RNF24: variants seen among roughly 807,000 people sequenced by gnomAD.
RNF24 encodes ring finger protein 24.
In RNF24, 14 loss-of-function variants were observed where a neutral mutation model predicts 20.0. That is an observed-to-expected ratio of 0.70 (90% CI 0.46 to 1.10). The LOEUF is 1.10. Among genes scored for constraint, RNF24 ranks in the 50% least tolerant of loss-of-function variants. RNF24 has a pLI of 0.00. For missense variants in RNF24, 124 were observed against 177.6 expected, an observed-to-expected ratio of 0.70 and a Z score of 1.71; for synonymous variants, 45 against 61.1, an observed-to-expected ratio of 0.74 and a Z score of 1.23.
At position 3,954,627 on chromosome 20, in the gene RNF24, A is replaced by T. The variant is rs2146972117; in HGVS notation, c.144-6348T>A. On this transcript the variant is annotated intron_variant, in intron 2 of 5. Transcript: ENST00000358395. ...GGTTTAATATTTTGAAGAACTGGCC[A>T]GGTATGGTGGCTCATGCCTGTAATC... 1.3e-5 allele frequency among the ~76,000 whole-genome samples: 2 copies of T among 152,268 alleles called. 1 individual carries two copies. Among genetic ancestry groups the T allele is most frequent in the South Asian group, 4.1e-4 (2 of 4,828 alleles).
chr20:3,967,166 GTAT>G (rs1322535599), intron 1 of RNF24, among the ~76,000 whole-genome samples: 1 of 152,142 alleles, frequency 6.6e-6, no homozygotes, highest in Non-Finnish European at 1.5e-5. Context: ...TTCACCAGAA[GTAT>G]TAATCTTTTA....
At chr20:3,992,461 T>G (rs1980525207) in intron 1 of RNF24, among the ~76,000 whole-genome samples, 1 of 151,356 alleles carries the variant, frequency 6.6e-6, no homozygotes, top group Admixed American at 6.6e-5. Flanking sequence ...ATTACAAACT[T>G]GGATGTAAAA....
intron 1 of RNF24, among the ~76,000 whole-genome samples, chr20:3,987,998 C>T (rs1420473108): frequency 6.6e-6 from 1 of 151,900 alleles, no homozygotes; most frequent in African/African-American, 2.4e-5. Flanking sequence ...TCAGCAGCAG[C>T]AGCAGCTTAA....
At chr20:3,977,356 T>C (rs973960033) in intron 1 of RNF24, among the ~76,000 whole-genome samples, 17 of 152,080 alleles carry the variant, frequency 1.1e-4, no homozygotes, top group Admixed American at 1.0e-3. Context: ...TAAATACGTG[T>C]TTTAAAATGT....
At position 3,932,974 on chromosome 20, in the gene RNF24, G is replaced by C. The variant is rs1441271354; in HGVS notation, c.*1089C>G. ...GTGGACAGCCCTGCAGGAGCTTCCT[G>C]AAACTATCTACAATTCCAAGTGGAT... On this transcript the variant is annotated 3_prime_UTR_variant, in exon 6 of 6. Transcript: ENST00000358395. 2.5e-6 allele frequency: 1 copy of C among 395,494 alleles called. No homozygotes were observed. Among genetic ancestry groups the C allele is most frequent in the Non-Finnish European group, 4.5e-6 (1 of 224,680 alleles). The allele number at this position is 395,494 out of a possible 1,614,324, so 24.5% of individuals were successfully genotyped here.
intron 1 of RNF24, among the ~76,000 whole-genome samples, chr20:3,988,029 T>C (rs1462895869): frequency 6.6e-6 from 1 of 152,282 alleles, no homozygotes; most frequent in Admixed American, 6.5e-5. Context: ...AAAAATTTTT[T>C]TTGGTATTTC....
At chr20:4,014,263 G>GA (rs1272700554) in intron 1 of RNF24, among the ~76,000 whole-genome samples, 2 of 151,772 alleles carry the variant, frequency 1.3e-5, no homozygotes, top group East Asian at 1.9e-4. Context: ...GCATTAAGGG[G>GA]AAAAAAAAGC....
Position 3,959,460 on chromosome 20 carries a change from A to G in RNF24, c.143+4415T>C, listed in dbSNP as rs576436867. On this transcript the variant is annotated intron_variant, in intron 2 of 5. Coordinates refer to ENST00000358395, the MANE Select transcript of RNF24 (RefSeq NM_001134337.3). ...CCAAAATTTCCCTGTATTCTTCAAAATTTATTTTTGAGTATTATTAAAACA... is the reference window on the plus strand; with the variant it reads ...CCAAAATTTCCCTGTATTCTTCAAAGTTTATTTTTGAGTATTATTAAAACA... Among the ~76,000 whole-genome samples the G allele has an allele frequency of 5.3e-3, 671 of 126,016 alleles. 2 individuals carry two copies. Among genetic ancestry groups the G allele is most frequent in the African/African-American group, 0.017 (650 of 39,370 alleles). 82.7% of individuals were successfully genotyped at this position (126,016 alleles called of 152,430 possible).
chr20:3,993,787 A>G (rs1003915363), intron 1 of RNF24, among the ~76,000 whole-genome samples: 1 of 152,226 alleles, frequency 6.6e-6, no homozygotes, highest in Non-Finnish European at 1.5e-5. Context: ...AGAAAGGCCC[A>G]CACCATAATT....
chr20:3,963,193 T>C (rs1213731853), intron 2 of RNF24, among the ~76,000 whole-genome samples: 1 of 152,116 alleles, frequency 6.6e-6, no homozygotes. Flanking sequence ...CCTATGTTTC[T>C]TTATTATTTT....
At chr20:3,973,885 T>G (rs1190304980) in intron 1 of RNF24, among the ~76,000 whole-genome samples, 2 of 152,154 alleles carry the variant, frequency 1.3e-5, no homozygotes, top group Non-Finnish European at 2.9e-5. Flanking sequence ...TCTCAAGGCA[T>G]TTTTTGAAGC....
At chr20:3,985,035 C>CG (rs1164648217) in intron 1 of RNF24, among the ~76,000 whole-genome samples, 2 of 148,942 alleles carry the variant, frequency 1.3e-5, no homozygotes, top group African/African-American at 4.9e-5. Context: ...GGCAGTTGGG[C>CG]GGGGGAACAA....
intron 1 of RNF24, among the ~76,000 whole-genome samples, chr20:3,965,188 A>C (rs1487512116): frequency 6.6e-6 from 1 of 152,190 alleles, no homozygotes; most frequent in South Asian, 2.1e-4. Context: ...TGACAATGGA[A>C]TTATAACTAT....
intron 2 of RNF24, among the ~76,000 whole-genome samples, chr20:3,951,093 C>T (rs2091076001): frequency 6.6e-6 from 1 of 152,134 alleles, no homozygotes; most frequent in Non-Finnish European, 1.5e-5. Context: ...GTAGCTGGGA[C>T]TACAGGCACC....
At position 3,928,003 on chromosome 20, in the gene RNF24, TTTC is replaced by T. The variant is rs2090751191; in HGVS notation, c.*6057_*6059del. 1 of 152,198 alleles carries T rather than the reference TTTC, an allele frequency of 6.6e-6. No homozygotes were observed. The highest frequency in any genetic ancestry group is 1.5e-5 in the Non-Finnish European group (1 of 68,056). 9.4% of individuals were successfully genotyped at this position (152,198 alleles called of 1,614,324 possible). A position where few individuals can be genotyped will look rare whatever the true frequency, so the allele number is the denominator to read the frequency against. ...AAGGTTTACTACACAAGCCCCTCTT[TTTC>T]TTCTGATATCCCCACTCAAATGGAA... On this transcript the variant is annotated 3_prime_UTR_variant, in exon 6 of 6. Coordinates refer to ENST00000358395, the MANE Select transcript of RNF24 (RefSeq NM_001134337.3).
rs144771126 is a variant in RNF24, at chr20:3,982,390, A to T, written c.-7-18366T>A. Among the ~76,000 whole-genome samples the T allele has an allele frequency of 2.4e-4, 36 of 149,908 alleles. No individual in the cohort carries two copies. The East Asian group carries it at 6.1e-3, about 25-fold the overall frequency. ...CAGGAGTTCGAAAGCAGCCTGGCCAACATGGTGAAACCCTGTCTCTACTAA... is the reference window on the plus strand; with the variant it reads ...CAGGAGTTCGAAAGCAGCCTGGCCATCATGGTGAAACCCTGTCTCTACTAA... On this transcript the variant is annotated intron_variant, in intron 1 of 5. Coordinates refer to ENST00000358395, the MANE Select transcript of RNF24 (RefSeq NM_001134337.3).
At chr20:3,942,820 T>C (rs1262681951) in intron 4 of RNF24, among the ~76,000 whole-genome samples, 2 of 147,840 alleles carry the variant, frequency 1.4e-5, no homozygotes, top group African/African-American at 4.9e-5. Context: ...TGAAGACAGT[T>C]TTTTTTTTTT....
rs2146923766 is a variant in RNF24 at position 3,929,292 on chromosome 20, TAC to T, written c.*4769_*4770del. 6.6e-6 allele frequency: 1 copy of T among 152,332 alleles called. No individual in the cohort carries two copies. The highest frequency in any genetic ancestry group is 6.5e-5 in the Admixed American group (1 of 15,290). 9.4% of individuals were successfully genotyped at this position (152,332 alleles called of 1,614,324 possible). A position where few individuals can be genotyped will look rare whatever the true frequency, so the allele number is the denominator to read the frequency against. ...GCTGGTGTGCACCTGTAGACGCAGC[TAC>T]AGACTGAGGCGGGAGGATCACTTGA... is the stretch of plus-strand genomic sequence containing the variant. On this transcript the variant is annotated 3_prime_UTR_variant, in exon 6 of 6. Coordinates refer to ENST00000358395, the MANE Select transcript of RNF24 (RefSeq NM_001134337.3).
intron 1 of RNF24, among the ~76,000 whole-genome samples, chr20:3,981,038 T>C (rs1329600089): frequency 6.6e-6 from 1 of 151,998 alleles, no homozygotes; most frequent in Non-Finnish European, 1.5e-5. Context: ...GGCCCTATTG[T>C]CAACAGAATC....
Sources: allele counts gnomAD v4.1 joint callset (sites outside exome capture counted in the v4.1 genomes callset), GRCh38; gene constraint gnomAD v4.1.1; transcripts MANE v1.5; gene names NCBI Gene and HGNC (gene_info 2026-07-23, HGNC 2026-07-21).